Variants in SLC8A1 observed in about 807,000 individuals in gnomAD.
SLC8A1 encodes the protein solute carrier family 8 member A1.
A neutral mutation model predicts 68.3 loss-of-function variants in SLC8A1; 18 were observed. That is an observed-to-expected ratio of 0.26 (90% CI 0.18 to 0.39). SLC8A1 has a LOEUF of 0.39. Ranked by LOEUF, SLC8A1 falls within the 10% of genes least tolerant of loss-of-function variation. SLC8A1 has a pLI of 1.00. For missense variants in SLC8A1, 985 were observed against 1,156.7 expected (o/e 0.85, Z 2.15); for synonymous variants, 475 against 415.5 (o/e 1.14, Z -1.74).
intron 2 of SLC8A1, chr2:40,178,445 G>A (rs1558638755): frequency 7.4e-6 from 12 of 1,613,752 alleles, no homozygotes; most frequent in Non-Finnish European, 8.5e-6. Flanking sequence ...AGAAGGTCTT[G>A]TTTTTCTCAT....
exon 8 of SLC8A1, chr2:40,114,545 T>C (rs1200251783): frequency 1.3e-5 from 2 of 152,740 alleles, no homozygotes; most frequent in Non-Finnish European, 1.5e-5. Context: ...AGGCACGTTT[T>C]CCTTGTACCT....
chr2:40,359,647 A>G (rs1455088137), intron 2 of SLC8A1, among the ~76,000 whole-genome samples: 1 of 152,206 alleles, frequency 6.6e-6, no homozygotes, highest in Non-Finnish European at 1.5e-5. Flanking sequence ...GAAGAAACAC[A>G]TCAACAGGCT....
chr2:40,315,007 G>C lies in SLC8A1; in HGVS notation c.1808+113466C>G, dbSNP rs1377270621. Among the ~76,000 whole-genome samples the C allele has an allele frequency of 3.3e-5, 5 of 152,026 alleles. No homozygotes were observed. The East Asian group carries it at 7.7e-4, about 24-fold the overall frequency. On this transcript the variant is annotated intron_variant, in intron 2 of 7. Transcript: ENST00000406785. ...TTTTCTTGCTTTATTGCACTGGCTA[G>C]CACCTCCAGTACAACGTTGAATAAA...
chr2:40,333,776 G>A (rs1168121173), intron 2 of SLC8A1, among the ~76,000 whole-genome samples: 5 of 152,084 alleles, frequency 3.3e-5, no homozygotes, highest in East Asian at 1.9e-4. Flanking sequence ...TGGGCTGGGC[G>A]CAGTAGCTCA....
chr2:40,456,006 G>A (rs1235875286), upstream of SLC8A1, among the ~76,000 whole-genome samples: 1 of 149,630 alleles, frequency 6.7e-6, no homozygotes, highest in East Asian at 2.0e-4. Context: ...TTCTACATTT[G>A]AGCAACTGAT....
intron 1 of SLC8A1, among the ~76,000 whole-genome samples, chr2:40,441,273 A>C (rs1364592686): frequency 6.6e-6 from 1 of 152,174 alleles, no homozygotes; most frequent in African/African-American, 2.4e-5. Flanking sequence ...CAAGGAAATA[A>C]GGGAGGACAG....
chr2:40,428,496 G>A lies in SLC8A1; in HGVS notation c.1785C>T (p.Leu595=), dbSNP rs368231854. 2.2e-5 allele frequency: 35 copies of A among 1,596,818 alleles called. No individual in the cohort carries two copies. The Admixed American group carries it at 2.5e-4, about 11-fold the overall frequency. ...ACACAATTTCATCATTCTGGAATTCGAGCTCTCCACAAGTGTCCTCAAAAT... is the reference window on the plus strand; with the variant it reads ...ACACAATTTCATCATTCTGGAATTCAAGCTCTCCACAAGTGTCCTCAAAAT... Residue 595 remains leucine (L), a synonymous_variant, in exon 2 of 8, where the codon CTC becomes CTT. Transcript: ENST00000406785.
intron 1 of SLC8A1, among the ~76,000 whole-genome samples, chr2:40,486,162 G>A (rs769273799): frequency 1.3e-5 from 2 of 152,104 alleles, no homozygotes; most frequent in East Asian, 3.9e-4. Context: ...CTGCCGCCTT[G>A]TGAAAAAGGT....
chr2:40,470,929 C>A (rs1027750936), intron 1 of SLC8A1, among the ~76,000 whole-genome samples: 12 of 152,106 alleles, frequency 7.9e-5, no homozygotes, highest in Non-Finnish European at 1.5e-4. Flanking sequence ...GTAACACATA[C>A]CACTGTATCT....
chr2:40,253,537 G>A (rs1208089378), intron 2 of SLC8A1, among the ~76,000 whole-genome samples: 1 of 151,934 alleles, frequency 6.6e-6, no homozygotes, highest in Non-Finnish European at 1.5e-5. Context: ...CTTAAAAGAG[G>A]CTAAAGGGCC....
intron 2 of SLC8A1, among the ~76,000 whole-genome samples, chr2:40,371,306 A>C (rs918822704): frequency 1.3e-5 from 2 of 152,094 alleles, no homozygotes; most frequent in African/African-American, 2.4e-5. Context: ...TTGCCTTTCA[A>C]ATATACATTA....
intron 2 of SLC8A1, among the ~76,000 whole-genome samples, chr2:40,202,590 T>C (rs551313396): frequency 5.5e-4 from 84 of 152,112 alleles, no homozygotes; most frequent in Admixed American, 1.0e-3. Flanking sequence ...TTATCCTTTT[T>C]TTCTAAGCTA....
intron 1 of SLC8A1, among the ~76,000 whole-genome samples, chr2:40,491,357 T>A: frequency 6.6e-6 from 1 of 152,156 alleles, no homozygotes; most frequent in East Asian, 1.9e-4. Context: ...TTTGCTGAAG[T>A]TGCTTATCAG....
chr2:40,291,261 T>C (rs79162850), intron 2 of SLC8A1, among the ~76,000 whole-genome samples: 11,387 of 152,146 alleles, frequency 0.075, 1,424 homozygotes, highest in African/African-American at 0.26. Context: ...AGATGAATAT[T>C]GAGAAGGCTT....
chr2:40,376,057 G>C (rs1251491617), intron 2 of SLC8A1, among the ~76,000 whole-genome samples: 1 of 152,164 alleles, frequency 6.6e-6, no homozygotes, highest in Non-Finnish European at 1.5e-5. Context: ...TTTTTCAACA[G>C]TATATTTAGA....
intron 7 of SLC8A1, among the ~76,000 whole-genome samples, chr2:40,134,463 G>A (rs944752730): frequency 2.0e-5 from 3 of 152,044 alleles, no homozygotes; most frequent in African/African-American, 7.2e-5. Context: ...AGAAAAGAAT[G>A]AAGAAAATAC....
chr2:40,211,500 T>G (rs1558771697), intron 2 of SLC8A1, among the ~76,000 whole-genome samples: 1 of 152,166 alleles, frequency 6.6e-6, no homozygotes, highest in Non-Finnish European at 1.5e-5. Flanking sequence ...GGAAAGATAC[T>G]TGGAGGCATG....
chr2:40,126,863 TG>T (rs1380750550), intron 7 of SLC8A1, among the ~76,000 whole-genome samples: 2 of 152,172 alleles, frequency 1.3e-5, no homozygotes, highest in African/African-American at 4.8e-5. Flanking sequence ...TCATCTGTCT[TG>T]TTTATCCCCC....
chr2:40,327,187 C>T (rs1036384984), intron 2 of SLC8A1, among the ~76,000 whole-genome samples: 4 of 152,096 alleles, frequency 2.6e-5, no homozygotes, highest in Non-Finnish European at 5.9e-5. Flanking sequence ...GTATGCCCTG[C>T]TCCTTCTTAA....
Sources: gnomAD v4.1 joint callset for allele counts (sites outside exome capture counted in the v4.1 genomes callset) on GRCh38, gnomAD v4.1.1 for gene constraint, MANE v1.5 for transcripts, NCBI Gene and HGNC (gene_info 2026-07-23, HGNC 2026-07-21) for gene names.